GREB1L: variants seen among roughly 807,000 people sequenced by gnomAD.
GREB1L encodes GREB1-like protein.
Under a neutral mutation model 200.8 loss-of-function variants are expected in GREB1L, and 17 were observed. The ratio of observed to expected loss-of-function variants is 0.08; its 90% CI spans 0.06 to 0.13. GREB1L has a LOEUF of 0.13. Ranked by LOEUF, GREB1L falls within the 10% of genes least tolerant of loss-of-function variation. The pLI is 1.00. For synonymous variants in GREB1L, 789 were observed against 893.0 expected (o/e 0.88, Z 2.08); for missense variants, 1,657 against 2,367.7 (o/e 0.70, Z 6.23).
intron 1 of GREB1L, among the ~76,000 whole-genome samples, chr18:21,244,226 G>T (rs2037558859): frequency 6.6e-6 from 1 of 152,134 alleles, no homozygotes; most frequent in African/African-American, 2.4e-5. Flanking sequence ...ACTGGTTTTT[G>T]CAATCTTTAT....
intron 15 of GREB1L, among the ~76,000 whole-genome samples, chr18:21,469,327 A>G (rs2035390452): frequency 6.6e-6 from 1 of 152,188 alleles, no homozygotes; most frequent in Non-Finnish European, 1.5e-5. Context: ...TATTTCCAAC[A>G]CTATAGTGAT....
At chr18:21,330,612 A>G (rs1281370563) in intron 1 of GREB1L, among the ~76,000 whole-genome samples, 1 of 152,162 alleles carries the variant, frequency 6.6e-6, no homozygotes, top group Non-Finnish European at 1.5e-5. Flanking sequence ...AGTCCCACCC[A>G]TGGAAGTGGC....
At chr18:21,280,860 CAG>C (rs995271218) in intron 1 of GREB1L, among the ~76,000 whole-genome samples, 4 of 152,288 alleles carry the variant, frequency 2.6e-5, no homozygotes, top group African/African-American at 9.6e-5. Flanking sequence ...TGCCTACTGT[CAG>C]TATGTTAAGC....
intron 1 of GREB1L, among the ~76,000 whole-genome samples, chr18:21,246,919 C>T (rs1460233402): frequency 6.6e-6 from 1 of 152,178 alleles, no homozygotes; most frequent in East Asian, 1.9e-4. Flanking sequence ...ATCATGTTAT[C>T]TTTTGGCTAC....
In GREB1L at chr18:21,242,352, G is replaced by A. The variant is rs989458759; in HGVS notation, c.-161G>A. ...GGAGACCAGCCCGGCCGAGCCGAGG[G>A]CCACCCCCTGGTCCTCTGCCCTCGC... On this transcript the variant is annotated 5_prime_UTR_variant, in exon 1 of 33. Coordinates refer to ENST00000424526, the MANE Select transcript of GREB1L (RefSeq NM_001142966.3). 2.8e-4 allele frequency: 43 copies of A among 152,320 alleles called. No individual in the cohort carries two copies. Among genetic ancestry groups the A allele is most frequent in the Non-Finnish European group, 4.1e-4 (28 of 68,112 alleles). 9.4% of individuals were successfully genotyped at this position (152,320 alleles called of 1,614,324 possible).
At chr18:21,290,847 A>G (rs2144581492) in intron 1 of GREB1L, among the ~76,000 whole-genome samples, 1 of 150,108 alleles carries the variant, frequency 6.7e-6, no homozygotes, top group Non-Finnish European at 1.5e-5. Context: ...AAAAAAAAAG[A>G]TAGACCATCT....
intron 2 of GREB1L, among the ~76,000 whole-genome samples, chr18:21,372,441 C>T (rs76730867): frequency 0.012 from 1,807 of 151,934 alleles, 39 homozygotes; most frequent in African/African-American, 0.041. Context: ...CCACCGTGCC[C>T]GGCCCCAAAT....
rs920628384 is a variant in GREB1L at position 21,481,441 on chromosome 18, G to A, written c.2556+4085G>A. 2.2e-4 allele frequency among the ~76,000 whole-genome samples: 15 copies of A among 67,294 alleles called. No homozygotes were observed. In the African/African-American group the frequency reaches 2.3e-3, roughly 10 times the overall value. The allele number at this position is 67,294 out of a possible 152,430, so 44.1% of individuals were successfully genotyped here. ...TTTTTGAGCAACAGTATATATGTAT[G>A]TGTGTGTGTGTGTGTGTGTGTGTGT... is the stretch of plus-strand genomic sequence containing the variant. On this transcript the variant is annotated intron_variant, in intron 17 of 32. Coordinates refer to ENST00000424526, the MANE Select transcript of GREB1L (RefSeq NM_001142966.3).
chr18:21,339,887 TTTTATTCTG>T (rs2039242383), intron 1 of GREB1L, among the ~76,000 whole-genome samples: 1 of 152,246 alleles, frequency 6.6e-6, no homozygotes, highest in African/African-American at 2.4e-5. Flanking sequence ...TTATTTTCAC[TTTTATTCTG>T]ATTACCTTTT....
At chr18:21,495,871 CTTTG>C (rs1270238778) in intron 20 of GREB1L, 86 bp downstream of exon 20, 1 of 695,586 alleles carries the variant, frequency 1.4e-6, no homozygotes. Flanking sequence ...CAGTCATTTC[CTTTG>C]TTTGGCAGGT....
intron 7 of GREB1L, among the ~76,000 whole-genome samples, chr18:21,425,314 G>T (rs2032476672): frequency 6.6e-6 from 1 of 152,098 alleles, no homozygotes; most frequent in Admixed American, 6.6e-5. Flanking sequence ...TGGGCATTTG[G>T]GTTATTTCCA....
chr18:21,431,151 A>C (rs1009979158), intron 7 of GREB1L, among the ~76,000 whole-genome samples: 5 of 151,562 alleles, frequency 3.3e-5, no homozygotes. Context: ...CCTCCTGAAT[A>C]GCTGGGATTA....
intron 1 of GREB1L, among the ~76,000 whole-genome samples, chr18:21,280,849 A>G (rs561572499): frequency 6.6e-6 from 1 of 152,328 alleles, no homozygotes; most frequent in South Asian, 2.1e-4. Context: ...TCACTGAGAA[A>G]TGCCTACTGT....
In GREB1L at chr18:21,259,915, CT is replaced by C. The variant is rs999413323; in HGVS notation, c.-120+17531del. Reference sequence around the variant, plus strand: ...ATTTGACCACTGTTCAACTCATATCCTTTTTTTTTGTCTTATTGAGCAGAAA... The same window carrying C: ...ATTTGACCACTGTTCAACTCATATCCTTTTTTTTGTCTTATTGAGCAGAAA... On this transcript the variant is annotated intron_variant, in intron 1 of 32. Coordinates refer to ENST00000424526, the MANE Select transcript of GREB1L (RefSeq NM_001142966.3). 6.0e-5 allele frequency among the ~76,000 whole-genome samples: 9 copies of C among 149,240 alleles called. No individual in the cohort carries two copies. In the South Asian group the frequency reaches 6.4e-4, roughly 11 times the overall value.
chr18:21,311,504 G>T (rs145742402), intron 1 of GREB1L, among the ~76,000 whole-genome samples: 248 of 152,252 alleles, frequency 1.6e-3, no homozygotes, highest in African/African-American at 5.8e-3. Flanking sequence ...CAAATGAGTC[G>T]TTGAAGATAA....
At chr18:21,450,856 T>C (rs1292608895) in intron 12 of GREB1L, 167 bp from the exon 13 acceptor site, 2 of 568,582 alleles carry the variant, frequency 3.5e-6, no homozygotes, top group South Asian at 5.3e-5. Flanking sequence ...AGAATTGATA[T>C]TTCAAATGCT....
intron 1 of GREB1L, among the ~76,000 whole-genome samples, chr18:21,341,171 A>T (rs1014395547): frequency 2.6e-5 from 4 of 152,182 alleles, no homozygotes; most frequent in Non-Finnish European, 5.9e-5. Context: ...AGTAGATGAG[A>T]AAATGGAAGG....
chr18:21,271,709 C>G (rs1436367405), intron 1 of GREB1L, among the ~76,000 whole-genome samples: 1 of 151,240 alleles, frequency 6.6e-6, no homozygotes, highest in Admixed American at 6.6e-5. Context: ...GTAGCCCCCA[C>G]TCATGCAGGT....
intron 2 of GREB1L, among the ~76,000 whole-genome samples, chr18:21,378,833 T>C (rs1197461531): frequency 1.3e-5 from 2 of 152,150 alleles, no homozygotes; most frequent in Non-Finnish European, 2.9e-5. Context: ...TCTTCTGTAA[T>C]GGTGAAACTC....
Sources: gnomAD v4.1 joint callset for allele counts (sites outside exome capture counted in the v4.1 genomes callset) on GRCh38, gnomAD v4.1.1 for gene constraint, MANE v1.5 for transcripts, NCBI Gene and HGNC (gene_info 2026-07-23, HGNC 2026-07-21) for gene names.